Variants in GIMAP1 observed in about 807,000 individuals in gnomAD.
GIMAP1 encodes GTPase, IMAP family member 1.
For synonymous variants in GIMAP1, 230 were observed against 187.7 expected, an observed-to-expected ratio of 1.23 and a Z score of -1.84; for missense variants, 423 against 411.9, an observed-to-expected ratio of 1.03 and a Z score of -0.23.
At chr7:150,716,979 C>T (rs907488554) in intron 1 of GIMAP1, among the ~76,000 whole-genome samples, 4 of 152,018 alleles carry the variant, frequency 2.6e-5, no homozygotes, top group Non-Finnish European at 5.9e-5. Context: ...GTGCTGGAAC[C>T]ACCTCCAGGA....
rs1797297267 is a variant in GIMAP1 at position 150,721,087 on chromosome 7, C to T, written c.*162C>T. ...TCACCTTTGCAACTTTGCCAAAGCT[C>T]AGAGTTCACTTTTTAAGTTTTTAAC... On this transcript the variant is annotated 3_prime_UTR_variant, in exon 3 of 3. Transcript: ENST00000307194. The T allele has an allele frequency of 5.1e-6, 3 of 583,172 alleles. No homozygotes were observed. The highest frequency in any genetic ancestry group is 7.5e-5 in the Admixed American group (2 of 26,734). 36.1% of individuals were successfully genotyped at this position (583,172 alleles called of 1,614,324 possible).
Position 150,722,067 on chromosome 7 carries a change from T to G in GIMAP1, c.*1142T>G, listed in dbSNP as rs2116546576. On this transcript the variant is annotated 3_prime_UTR_variant, in exon 3 of 3. Coordinates refer to ENST00000307194, the MANE Select transcript of GIMAP1 (RefSeq NM_130759.4). ...GGGCCTGTCCAGGAAGGTTCTCGAA[T>G]GCCACGTGATTAGAAAATTTGCCGC... is the stretch of plus-strand genomic sequence containing the variant. The G allele has an allele frequency of 6.6e-6, 1 of 152,358 alleles. No homozygotes were observed. Among genetic ancestry groups the G allele is most frequent in the Middle Eastern group, 3.4e-3 (1 of 294 alleles). 9.4% of individuals were successfully genotyped at this position (152,358 alleles called of 1,614,324 possible).
chr7:150,718,096 T>TCAGG (rs1797243081), intron 1 of GIMAP1, among the ~76,000 whole-genome samples: 1 of 152,014 alleles, frequency 6.6e-6, no homozygotes, highest in Non-Finnish European at 1.5e-5. Context: ...CCGAGTGGGT[T>TCAGG]GGAAAGGCCC....
chr7:150,720,374 T>G lies in GIMAP1; in HGVS notation c.370T>G (p.Phe124Val), dbSNP rs2116542149. The G allele has an allele frequency of 6.2e-7, 1 of 1,605,100 alleles. No homozygotes were observed. The highest frequency in any genetic ancestry group is 8.5e-7 in the Non-Finnish European group (1 of 1,174,274). Residue 124 changes from phenylalanine to valine, a missense_variant, in exon 3 of 3, where the codon TTC (phenylalanine) becomes GTC (valine). Physicochemically the swap from Phe to Val is conservative, Grantham distance 50 (BLOSUM62 -1). Coordinates refer to ENST00000307194, the MANE Select transcript of GIMAP1 (RefSeq NM_130759.4). The surrounding 1 kb of genome is among the most constrained non-coding windows in gnomAD (Gnocchi z 4.5). The stretch of plus-strand genomic sequence containing the variant: ...GCTCCTGGTGACCCAGTTGGGTCGG[T>G]TCACCGCCCAGGACCAGCAGGCGGT... The part of the protein sequence containing the change: ...ALLLVTQLGR[F>V]TAQDQQAVRQ...
rs761168915 is a variant in GIMAP1 at position 150,720,003 on chromosome 7, G to A, written c.44-45G>A. 1 of 1,507,368 alleles carries A rather than the reference G, an allele frequency of 6.6e-7. No homozygotes were observed. The highest frequency in any genetic ancestry group is 1.4e-5 in the African/African-American group (1 of 71,998). 93.4% of individuals were successfully genotyped at this position (1,507,368 alleles called of 1,614,324 possible). A position where few individuals can be genotyped will look rare whatever the true frequency, so the allele number is the denominator to read the frequency against. On this transcript the variant is annotated intron_variant, in intron 2 of 2. Transcript: ENST00000307194. This position sits in a 1 kb window ranked among gnomAD's most constrained non-coding sequence, Gnocchi z 4.5. ...GCAAGAAGATTCCAGTTCCCAAGGG[G>A]AAGTTGGTTAAACTTAAGTAAGATT... is the stretch of plus-strand genomic sequence containing the variant.
chr7:150,719,204 C>A, intron 2 of GIMAP1, 114 bp downstream of exon 2: 1 of 1,377,958 alleles, frequency 7.3e-7, no homozygotes, highest in South Asian at 1.3e-5. Context: ...GGTGTCTCAA[C>A]TCTGGGATGA....
Position 150,720,775 on chromosome 7 carries a change from C to G in GIMAP1, c.771C>G (p.Gly257=). The change falls in exon 3 of 3, where the codon GGC becomes GGG. Residue 257 remains glycine (G), a synonymous_variant. Coordinates refer to ENST00000307194, the MANE Select transcript of GIMAP1 (RefSeq NM_130759.4). This position sits in a 1 kb window ranked among gnomAD's most constrained non-coding sequence, Gnocchi z 4.5. ...CCAGGGTGCAGAGGAGGCCATGGGG[C>G]GCCTGGCTGTCGGCCCGGCTGTGGA... The part of the protein sequence containing the change: ...VAARVQRRPW[G]AWLSARLWKW... 1 of 1,573,562 alleles carries G rather than the reference C, an allele frequency of 6.4e-7. No individual in the cohort carries two copies. Among genetic ancestry groups the G allele is most frequent in the East Asian group, 2.4e-5 (1 of 42,492 alleles).
In GIMAP1 at chr7:150,719,073, A is replaced by C. The variant is rs200491299; in HGVS notation, c.26A>C (p.Asp9Ala). Residue 9 changes from aspartate to alanine, a missense_variant, in exon 2 of 3, where the codon GAT (aspartate) becomes GCT (alanine). Transcript: ENST00000307194. Reference protein sequence around the residue: MGGRKMATDEENVYGLEEN... With the variant: MGGRKMATAEENVYGLEEN... ...ATGGGAGGAAGGAAGATGGCGACAG[A>C]TGAAGAAAATGTCTATGGTAAGACC... is the stretch of plus-strand genomic sequence containing the variant. The C allele has an allele frequency of 1.4e-5, 23 of 1,614,208 alleles. No homozygotes were observed.
Position 150,720,646 on chromosome 7 carries a change from G to A in GIMAP1, c.642G>A (p.Glu214=), listed in dbSNP as rs761557918. ...LLGMVEGLVL[E]HKGAHYSNEV... ...GGATGGTCGAGGGCTTGGTGCTGGAGCACAAGGGCGCCCATTACTCCAACG... is the reference window on the plus strand; with the variant it reads ...GGATGGTCGAGGGCTTGGTGCTGGAACACAAGGGCGCCCATTACTCCAACG... The change falls in exon 3 of 3, where the codon GAG becomes GAA. Residue 214 remains glutamate (E), a synonymous_variant. Coordinates refer to ENST00000307194, the MANE Select transcript of GIMAP1 (RefSeq NM_130759.4). The surrounding 1 kb of genome is among the most constrained non-coding windows in gnomAD (Gnocchi z 4.5). 6.2e-7 allele frequency: 1 copy of A among 1,610,370 alleles called. No homozygotes were observed. The highest frequency in any genetic ancestry group is 1.1e-5 in the South Asian group (1 of 90,672).
rs377535856 is a variant in GIMAP1 at position 150,720,211 on chromosome 7, C to T, written c.207C>T (p.Gly69=). Residue 69 remains glycine, a synonymous_variant, in exon 3 of 3, where the codon GGC becomes GGT. Coordinates refer to ENST00000307194, the MANE Select transcript of GIMAP1 (RefSeq NM_130759.4). This position sits in a 1 kb window ranked among gnomAD's most constrained non-coding sequence, Gnocchi z 4.5. ...CTGTGACCAGGGCCTGCACCACGGG[C>T]AGCCGCAGGTGGGACAAGTGCCACG... ...ATSVTRACTT[G]SRRWDKCHVE... is the part of the protein sequence containing the mutation. 1.2e-6 allele frequency: 2 copies of T among 1,614,152 alleles called. No homozygotes were observed. The highest frequency in any genetic ancestry group is 3.3e-5 in the Admixed American group (2 of 60,032).
Position 150,720,484 on chromosome 7 carries a change from C to T in GIMAP1, c.480C>T (p.Gly160=). The T allele has an allele frequency of 6.3e-7, 1 of 1,575,008 alleles. No individual in the cohort carries two copies. Among genetic ancestry groups the T allele is most frequent in the Non-Finnish European group, 8.6e-7 (1 of 1,159,930 alleles). Residue 160 remains glycine, a synonymous_variant, in exon 3 of 3, where the codon GGC becomes GGT. Transcript: ENST00000307194. This position sits in a 1 kb window ranked among gnomAD's most constrained non-coding sequence, Gnocchi z 4.5. ...VFTRKEDLAG[G]SLHDYVSNTE... ...CCAGGAAGGAGGACCTGGCCGGGGG[C>T]TCCCTGCACGATTACGTGAGCAACA...
chr7:150,717,157 G>A (rs1030405560), intron 1 of GIMAP1, among the ~76,000 whole-genome samples: 2 of 152,142 alleles, frequency 1.3e-5, no homozygotes, highest in African/African-American at 4.8e-5. Flanking sequence ...AGGGGCCCCT[G>A]AGGAGACATC....
Position 150,720,487 on chromosome 7 carries a change from C to T in GIMAP1, c.483C>T (p.Ser161=). ...FTRKEDLAGG[S]LHDYVSNTEN... is the part of the protein sequence containing the mutation. The stretch of plus-strand genomic sequence containing the variant: ...GGAAGGAGGACCTGGCCGGGGGCTC[C>T]CTGCACGATTACGTGAGCAACACAG... The change falls in exon 3 of 3, where the codon TCC becomes TCT. Residue 161 remains serine (S), a synonymous_variant. Transcript: ENST00000307194. The surrounding 1 kb of genome is among the most constrained non-coding windows in gnomAD (Gnocchi z 4.5). 1.9e-6 allele frequency: 3 copies of T among 1,577,370 alleles called. No homozygotes were observed. The highest frequency in any genetic ancestry group is 2.6e-6 in the Non-Finnish European group (3 of 1,161,150).
intron 1 of GIMAP1, among the ~76,000 whole-genome samples, chr7:150,718,015 C>T (rs1241032885): frequency 1.3e-5 from 2 of 152,120 alleles, no homozygotes; most frequent in Non-Finnish European, 2.9e-5. Flanking sequence ...GTGCAAGACA[C>T]AACAAGTTTG....
intron 2 of GIMAP1, 69 bp downstream of exon 2, chr7:150,719,159 G>A (rs756115002): frequency 4.2e-5 from 67 of 1,602,072 alleles, no homozygotes; most frequent in Admixed American, 1.0e-4. Context: ...AGGAGAATGG[G>A]GCTTCCTCAA....
rs549532283 is a variant in GIMAP1 at position 150,723,985 on chromosome 7, G to A, written c.*3060G>A. ...GTGTTGGCCATGATGAACTTTTAGA[G>A]CAAAAGATTTCAGGCAGAGTACATT... On this transcript the variant is annotated 3_prime_UTR_variant, in exon 3 of 3. Transcript: ENST00000307194. The A allele has an allele frequency of 6.6e-6, 1 of 152,246 alleles. No homozygotes were observed. Among genetic ancestry groups the A allele is most frequent in the South Asian group, 2.1e-4 (1 of 4,818 alleles). The allele number at this position is 152,246 out of a possible 1,614,324, so 9.4% of individuals were successfully genotyped here.
At chr7:150,718,750 C>A (rs1246705745) in intron 1 of GIMAP1, among the ~76,000 whole-genome samples, 1 of 152,240 alleles carries the variant, frequency 6.6e-6, no homozygotes, top group Non-Finnish European at 1.5e-5. Context: ...GGTGTTGGCC[C>A]TTCCAAGGCC....
rs1400864800 is a variant in GIMAP1 at position 150,721,771 on chromosome 7, G to A, written c.*846G>A. The A allele has an allele frequency of 6.6e-6, 1 of 150,596 alleles. No individual in the cohort carries two copies. Among genetic ancestry groups the A allele is most frequent in the African/African-American group, 2.5e-5 (1 of 40,630 alleles). The allele number at this position is 150,596 out of a possible 1,614,324, so 9.3% of individuals were successfully genotyped here. On this transcript the variant is annotated 3_prime_UTR_variant, in exon 3 of 3. Coordinates refer to ENST00000307194, the MANE Select transcript of GIMAP1 (RefSeq NM_130759.4). ...ATCGTGCCACTGCACTCCAGGCTGG[G>A]TGACAAAGCAAGAATCTGTCTCAAA...
chr7:150,720,699 G>T lies in GIMAP1; in HGVS notation c.695G>T (p.Arg232Leu). ...GTGTATGAGCTGGCGCAGGTGCTGC[G>T]CTGGGCAGGCCCTGAGGAGCGGCTC... is the stretch of plus-strand genomic sequence containing the variant. ...NEVYELAQVLRWAGPEERLRR... is the reference protein window; with the variant it reads ...NEVYELAQVLLWAGPEERLRR... Residue 232 changes from arginine (R) to leucine (L), a missense_variant, in exon 3 of 3, where the codon CGC (arginine) becomes CTC (leucine). Arg to Leu is a moderately radical substitution (Grantham distance 102, BLOSUM62 -2). Coordinates refer to ENST00000307194, the MANE Select transcript of GIMAP1 (RefSeq NM_130759.4). The surrounding 1 kb of genome is among the most constrained non-coding windows in gnomAD (Gnocchi z 4.5). 1.9e-6 allele frequency: 3 copies of T among 1,585,374 alleles called. No individual in the cohort carries two copies. The highest frequency in any genetic ancestry group is 2.6e-6 in the Non-Finnish European group (3 of 1,165,648).
Sources: gnomAD v4.1 joint callset for allele counts (sites outside exome capture counted in the v4.1 genomes callset) on GRCh38, gnomAD v4.1.1 for gene constraint, Gnocchi (gnomAD v3.1) non-coding constraint, MANE v1.5 for transcripts, NCBI Gene and HGNC (gene_info 2026-07-23, HGNC 2026-07-21) for gene names.